The following ELFN2 variants were observed in gnomAD, a reference collection of about 807,000 sequenced individuals.
ELFN2 encodes protein phosphatase 1 regulatory subunit 29.
In ELFN2, 17 loss-of-function variants were observed where a neutral mutation model predicts 45.5. That is an observed-to-expected ratio of 0.37 (90% CI 0.26 to 0.56). ELFN2 has a LOEUF of 0.56. ELFN2 is among the 20% of genes least tolerant of loss of function. The probability of loss-of-function intolerance (pLI) is 0.77; values close to 1 mark genes in which losing one functional copy is unlikely to be tolerated. For missense variants in ELFN2, 922 were observed against 1,183.2 expected (o/e 0.78, Z 3.24); for synonymous variants, 550 against 551.5 (o/e 1.00, Z 0.04).
At chr22:37,383,228 C>A (rs928968970) in intron 2 of ELFN2, among the ~76,000 whole-genome samples, 14 of 152,188 alleles carry the variant, frequency 9.2e-5, no homozygotes, top group African/African-American at 3.4e-4. Context: ...CGGCTGGGCT[C>A]CCTGCTTCTG....
At chr22:37,357,123 C>T (rs1262343285) in intron 1 of ELFN2, among the ~76,000 whole-genome samples, 2 of 136,318 alleles carry the variant, frequency 1.5e-5, no homozygotes, top group African/African-American at 5.3e-5. Context: ...TCCTCACTGC[C>T]CCATAAGGGC....
At position 37,385,502 on chromosome 22, in the gene ELFN2, C is replaced by T. The variant is rs558407953; in HGVS notation, c.-462-9506G>A. ...GAATCCACTGAGATACAGGGAAGAT[C>T]TGGCTTCCCTGGGTCTGCGTCCCCG... On this transcript the variant is annotated intron_variant, in intron 2 of 2. Transcript: ENST00000402918. Among the ~76,000 whole-genome samples, 12 of 152,352 alleles carry T rather than the reference C, an allele frequency of 7.9e-5. No individual in the cohort carries two copies. The East Asian group carries it at 2.3e-3, about 29-fold the overall frequency.
chr22:37,412,699 G>A (rs1007223344), intron 2 of ELFN2, among the ~76,000 whole-genome samples: 3 of 152,196 alleles, frequency 2.0e-5, no homozygotes, highest in Admixed American at 6.5e-5. Flanking sequence ...GCAAGGCACC[G>A]GGACAACCAC....
chr22:37,384,165 G>A lies in ELFN2; in HGVS notation c.-462-8169C>T, dbSNP rs180752733. Among the ~76,000 whole-genome samples the A allele has an allele frequency of 1.5e-3, 223 of 152,160 alleles. 3 individuals are homozygous for A. The East Asian group carries it at 0.018, about 12-fold the overall frequency. ...GGAAGGAGAGAGGCAGGGGGTGGAA[G>A]GTTTTACCAAAGGTCTTGGCCTTGG... On this transcript the variant is annotated intron_variant, in intron 2 of 2. Coordinates refer to ENST00000402918, the MANE Select transcript of ELFN2 (RefSeq NM_052906.5).
At chr22:37,388,476 T>C (rs547074157) in intron 2 of ELFN2, among the ~76,000 whole-genome samples, 1 of 152,338 alleles carries the variant, frequency 6.6e-6, no homozygotes, top group Admixed American at 6.5e-5. Flanking sequence ...CGCCCTCATA[T>C]AGATAAGGAA....
At chr22:37,415,487 A>C (rs997425317) in intron 2 of ELFN2, among the ~76,000 whole-genome samples, 1 of 152,198 alleles carries the variant, frequency 6.6e-6, no homozygotes, top group Non-Finnish European at 1.5e-5. Context: ...TGGCTCAGCC[A>C]CCAGGGTACT....
chr22:37,344,084 AACCCCACC>A, intron 1 of ELFN2, among the ~76,000 whole-genome samples: 1 of 20,088 alleles, frequency 5.0e-5, no homozygotes, highest in African/African-American at 2.1e-4. Flanking sequence ...CCCCCTGCCC[AACCCCACC>A]TGCCCATGGC....
At chr22:37,422,945 G>GGGA (rs1932820389) in intron 1 of ELFN2, among the ~76,000 whole-genome samples, 1 of 105,552 alleles carries the variant, frequency 9.5e-6, no homozygotes, top group African/African-American at 4.9e-5. Context: ...CTGGGCCTCG[G>GGGA]GGGGGGGGGG....
In ELFN2 at chr22:37,374,692, AAGGATCTCGTCGGGGTTGAAGCCCG is replaced by A. The variant is rs1931513745; in HGVS notation, c.818_842del (p.Ser273PhefsTer57). The A allele has an allele frequency of 1.2e-6, 2 of 1,610,908 alleles. No individual in the cohort carries two copies. Among genetic ancestry groups the A allele is most frequent in the Non-Finnish European group, 1.7e-6 (2 of 1,177,582 alleles). On this transcript the variant is annotated frameshift_variant, in exon 3 of 3. Transcript: ENST00000402918. LOFTEE classifies it high-confidence loss of function. Reference sequence around the variant, plus strand: ...TGGACGAGGCCGGCGGCTCCACCGAAAGGATCTCGTCGGGGTTGAAGCCCGAGTTCTCGTCTGGCTCCCTCTGGGC... The same window carrying A: ...TGGACGAGGCCGGCGGCTCCACCGAAAGTTCTCGTCTGGCTCCCTCTGGGC...
rs1298753347 is a variant in ELFN2, at chr22:37,371,327, C to G, written c.*1745G>C. ...TCACACTCCCCAAATCTCAGGAAAC[C>G]CATGTGGGCCACAGGCCCTAGACTG... On this transcript the variant is annotated 3_prime_UTR_variant, in exon 3 of 3. Coordinates refer to ENST00000402918, the MANE Select transcript of ELFN2 (RefSeq NM_052906.5). The surrounding 1 kb of genome is among the most constrained non-coding windows in gnomAD (Gnocchi z 6.4). 2.0e-5 allele frequency: 3 copies of G among 152,342 alleles called. No individual in the cohort carries two copies. The highest frequency in any genetic ancestry group is 4.4e-5 in the Non-Finnish European group (3 of 68,158). The allele number at this position is 152,342 out of a possible 1,614,324, so 9.4% of individuals were successfully genotyped here. A position where few individuals can be genotyped will look rare whatever the true frequency, so the allele number is the denominator to read the frequency against.
rs1322197425 is a variant in ELFN2, at chr22:37,400,217, TCGTGTCTA to T, written c.-463+17544_-463+17551del. ...CACTCAGAGATGCTGACCCACCCCC[TCGTGTCTA>T]CCCCCATCCCACCCCACTCCGGTCC... On this transcript the variant is annotated intron_variant, in intron 2 of 2. Transcript: ENST00000402918. 6.9e-5 allele frequency among the ~76,000 whole-genome samples: 10 copies of T among 144,978 alleles called. 1 individual carries two copies. Among genetic ancestry groups the T allele is most frequent in the Admixed American group, 6.8e-4 (10 of 14,704 alleles).
intron 2 of ELFN2, among the ~76,000 whole-genome samples, chr22:37,407,849 C>T (rs935764366): frequency 1.3e-5 from 2 of 151,664 alleles, no homozygotes; most frequent in African/African-American, 4.9e-5. Context: ...AAGCCGAGAT[C>T]GCGCCACTAC....
intron 2 of ELFN2, among the ~76,000 whole-genome samples, chr22:37,380,534 G>A (rs1601750127): frequency 6.6e-6 from 1 of 152,182 alleles, no homozygotes; most frequent in Non-Finnish European, 1.5e-5. Context: ...CGCAGTCTGT[G>A]TCCTGGCCTC....
At chr22:37,390,183 C>G (rs560996170) in intron 2 of ELFN2, among the ~76,000 whole-genome samples, 1 of 152,278 alleles carries the variant, frequency 6.6e-6, no homozygotes, top group East Asian at 1.9e-4. Context: ...GTGATGAGGA[C>G]CAGAGAGATG....
At chr22:37,348,316 GGCCTCCTTC>G (rs1365629779) in intron 1 of ELFN2, among the ~76,000 whole-genome samples, 2 of 152,198 alleles carry the variant, frequency 1.3e-5, no homozygotes, top group Non-Finnish European at 2.9e-5. Flanking sequence ...GCAAGAACAG[GGCCTCCTTC>G]TCACAGAAGT....
intron 1 of ELFN2, among the ~76,000 whole-genome samples, chr22:37,360,803 A>G (rs1260982062): frequency 6.6e-6 from 1 of 152,244 alleles, no homozygotes; most frequent in Non-Finnish European, 1.5e-5. Context: ...TCTGGCCATG[A>G]GGCAACAAAG....
rs1427255066 is a variant in ELFN2 at position 37,374,868 on chromosome 22, C to T, written c.667G>A (p.Gly223Ser). The T allele has an allele frequency of 5.6e-6, 9 of 1,609,494 alleles. No homozygotes were observed. Among genetic ancestry groups the T allele is most frequent in the East Asian group, 2.2e-5 (1 of 44,880 alleles). Residue 223 changes from glycine (G) to serine (S), a missense_variant, in exon 3 of 3, where the codon GGC becomes AGC. Transcript: ENST00000402918. ...GGCCGGGGCACCAGCAGCGGGTAGC[C>T]GGCAAACTCCCGCGGCGACTCACAC... ...LQCESPREFA[G>S]YPLLVPRPYH... is the part of the protein sequence containing the mutation.
At chr22:37,357,337 A>G (rs1303476246) in intron 1 of ELFN2, among the ~76,000 whole-genome samples, 1 of 152,164 alleles carries the variant, frequency 6.6e-6, no homozygotes. Context: ...CCTGGCTGAA[A>G]ATGAAGGGTT....
chr22:37,399,189 G>A (rs56339571), intron 2 of ELFN2, among the ~76,000 whole-genome samples: 55,548 of 151,596 alleles, frequency 0.37, 10,261 homozygotes, highest in African/African-American at 0.4. Context: ...GAGATTCCCC[G>A]GCCTGGAGTA....
Sources: allele counts gnomAD v4.1 joint callset (sites outside exome capture counted in the v4.1 genomes callset), GRCh38; gene constraint gnomAD v4.1.1; non-coding constraint Gnocchi (gnomAD v3.1); transcripts MANE v1.5; gene names NCBI Gene and HGNC (gene_info 2026-07-23, HGNC 2026-07-21).